GPR149: variants seen among roughly 807,000 people sequenced by gnomAD.
The protein encoded by GPR149 is G protein-coupled receptor 149, also known as probable G protein-coupled receptor 149.
A neutral mutation model predicts 50.2 loss-of-function variants in GPR149; 50 were observed. That is an observed-to-expected ratio of 1.00 (90% confidence interval 0.79 to 1.26). GPR149 has a LOEUF of 1.26. GPR149 is among the 50% of genes most tolerant of loss of function. The pLI is 0.00. For missense variants in GPR149, 983 were observed against 895.4 expected (o/e 1.10, Z -1.25); for synonymous variants, 405 against 358.2 (o/e 1.13, Z -1.48).
chr3:154,379,083 A>AG (rs1714860600), intron 3 of GPR149, among the ~76,000 whole-genome samples: 1 of 13,584 alleles, frequency 7.4e-5, no homozygotes. Context: ...TACTAAAAAT[A>AG]CAAAAAATTA....
chr3:154,394,144 C>T (rs1047019767), intron 3 of GPR149, among the ~76,000 whole-genome samples: 7 of 152,080 alleles, frequency 4.6e-5, no homozygotes, highest in Non-Finnish European at 1.0e-4. Context: ...GGAGGCATCA[C>T]ATTTCCTGAT....
Position 154,421,188 on chromosome 3 carries a change from A to G in GPR149, c.1474T>C (p.Phe492Leu). ...ATATCACCTCCTGTTTTGTCAGAAA[A>G]CGCATCCTTTTTGTTGTTGGAATCC... is the stretch of plus-strand genomic sequence containing the variant. ...KQDSNNKKDA[F>L]SDKTGGDINY... Residue 492 changes from phenylalanine (F) to leucine (L), a missense_variant, in exon 3 of 4, where the codon TTT becomes CTT. Transcript: ENST00000389740. 6.2e-7 allele frequency: 1 copy of G among 1,613,522 alleles called. No individual in the cohort carries two copies. The highest frequency in any genetic ancestry group is 8.5e-7 in the Non-Finnish European group (1 of 1,179,610).
chr3:154,357,724 C>G (rs1336956817), intron 3 of GPR149, among the ~76,000 whole-genome samples: 3 of 152,198 alleles, frequency 2.0e-5, no homozygotes, highest in South Asian at 2.1e-4. Flanking sequence ...TTGTGGAAGT[C>G]AGTGTGGCAA....
At chr3:154,409,506 T>C (rs1028564648) in intron 3 of GPR149, among the ~76,000 whole-genome samples, 1 of 152,040 alleles carries the variant, frequency 6.6e-6, no homozygotes, top group Non-Finnish European at 1.5e-5. Context: ...AGGAAAATTC[T>C]TCAGTGAAAT....
At chr3:154,425,483 T>C (rs1350205372) in intron 2 of GPR149, among the ~76,000 whole-genome samples, 1 of 152,072 alleles carries the variant, frequency 6.6e-6, no homozygotes, top group African/African-American at 2.4e-5. Flanking sequence ...AATAGGAAAA[T>C]TGATGGTGGC....
chr3:154,350,337 T>G (rs1374479778), intron 3 of GPR149, among the ~76,000 whole-genome samples: 1 of 152,198 alleles, frequency 6.6e-6, no homozygotes, highest in African/African-American at 2.4e-5. Context: ...AGCTAATGAT[T>G]GAGCTAAGCA....
intron 3 of GPR149, among the ~76,000 whole-genome samples, chr3:154,389,977 G>T (rs955657422): frequency 6.6e-6 from 1 of 152,150 alleles, no homozygotes; most frequent in Non-Finnish European, 1.5e-5. Flanking sequence ...GCTGCCAGAG[G>T]CATTGACATC....
intron 3 of GPR149, among the ~76,000 whole-genome samples, chr3:154,394,776 G>T (rs1209762774): frequency 6.6e-6 from 1 of 152,046 alleles, no homozygotes; most frequent in African/African-American, 2.4e-5. Context: ...ATAGATATTA[G>T]TCCAAAGAAG....
At chr3:154,363,923 G>C (rs1353614858) in intron 3 of GPR149, among the ~76,000 whole-genome samples, 1 of 152,128 alleles carries the variant, frequency 6.6e-6, no homozygotes, top group Non-Finnish European at 1.5e-5. Context: ...TCACTCTCCA[G>C]TGTTCATGTA....
Position 154,337,765 on chromosome 3 carries a change from G to T in GPR149, c.2130C>A (p.Tyr710Ter). 1.2e-6 allele frequency: 2 copies of T among 1,612,388 alleles called. No individual in the cohort carries two copies. The highest frequency in any genetic ancestry group is 1.7e-6 in the Non-Finnish European group (2 of 1,179,264). ...SKRQHQERDG[Y>*]QEEIQLLNKA... is the part of the protein sequence containing the mutation. ...TATTTAACAACTGGATTTCCTCCTG[G>T]TAGCCATCCCTCTCTTGATGCTGCC... The change falls in exon 4 of 4, where the codon TAC becomes TAA. Residue 710 changes from tyrosine (Y) to a stop codon, truncating the protein, a stop_gained. Coordinates refer to ENST00000389740, the MANE Select transcript of GPR149 (RefSeq NM_001038705.3). LOFTEE classifies it high-confidence loss of function.
At chr3:154,422,280 T>C (rs1164145153) in intron 2 of GPR149, among the ~76,000 whole-genome samples, 1 of 151,636 alleles carries the variant, frequency 6.6e-6, no homozygotes, top group Non-Finnish European at 1.5e-5. Flanking sequence ...TGATGCAAAA[T>C]CTTAGAATAA....
At chr3:154,418,168 G>A (rs966998192) in intron 3 of GPR149, among the ~76,000 whole-genome samples, 1 of 136,102 alleles carries the variant, frequency 7.3e-6, no homozygotes, top group African/African-American at 2.9e-5. Flanking sequence ...GGAAACAACA[G>A]GTGCTGGAGA....
At position 154,338,196 on chromosome 3, in the gene GPR149, T is replaced by G. The variant is rs774344166; in HGVS notation, c.1699A>C (p.Thr567Pro). Residue 567 changes from threonine (T) to proline (P), a missense_variant, in exon 4 of 4, where the codon ACC (threonine) becomes CCC (proline). Physicochemically the swap from Thr to Pro is conservative, Grantham distance 38 (BLOSUM62 -1). Transcript: ENST00000389740. ...ACCTCATAGGTAGAAAGAGATAGGG[T>G]TTTCCCTGTAGGTGCATGGAGAGAC... ...TVSLHAPTGK[T>P]LSLSTYEVSA... 1 of 1,613,982 alleles carries G rather than the reference T, an allele frequency of 6.2e-7. No individual in the cohort carries two copies.
intron 3 of GPR149, among the ~76,000 whole-genome samples, chr3:154,400,137 C>T (rs1052422601): frequency 1.3e-5 from 2 of 151,854 alleles, no homozygotes; most frequent in African/African-American, 2.4e-5. Context: ...TAGGCGCCCG[C>T]CACTGCGCCC....
chr3:154,408,264 C>G (rs1046545495), intron 3 of GPR149, among the ~76,000 whole-genome samples: 1 of 152,198 alleles, frequency 6.6e-6, no homozygotes, highest in African/African-American at 2.4e-5. Context: ...TGGAGACTCA[C>G]ATCATGAACT....
intron 3 of GPR149, among the ~76,000 whole-genome samples, chr3:154,394,913 A>G (rs1187572578): frequency 6.6e-6 from 1 of 152,156 alleles, no homozygotes; most frequent in Non-Finnish European, 1.5e-5. Flanking sequence ...ATGATCTTCT[A>G]ATAGCATTCC....
chr3:154,399,562 A>G (rs148379309), intron 3 of GPR149, among the ~76,000 whole-genome samples: 135 of 152,306 alleles, frequency 8.9e-4, no homozygotes, highest in African/African-American at 3.1e-3. Context: ...CTAGAGTTCC[A>G]GGTAGAACTT....
intron 3 of GPR149, among the ~76,000 whole-genome samples, chr3:154,409,731 G>A (rs1320772121): frequency 2.0e-5 from 3 of 152,108 alleles, no homozygotes; most frequent in Non-Finnish European, 2.9e-5. Flanking sequence ...GTTTGGGACT[G>A]TGTTAAACAT....
intron 3 of GPR149, among the ~76,000 whole-genome samples, chr3:154,411,229 C>A (rs1711823262): frequency 6.6e-6 from 1 of 152,100 alleles, no homozygotes; most frequent in South Asian, 2.1e-4. Context: ...TAAATACCTA[C>A]ATCAAAAATT....
Sources: gnomAD v4.1 joint callset for allele counts (sites outside exome capture counted in the v4.1 genomes callset) on GRCh38, gnomAD v4.1.1 for gene constraint, MANE v1.5 for transcripts, NCBI Gene and HGNC (gene_info 2026-07-23, HGNC 2026-07-21) for gene names.